Variants in IGF2BP2 observed in about 807,000 individuals in gnomAD.
IGF2BP2 encodes the protein insulin-like growth factor 2 mRNA-binding protein 2.
In IGF2BP2, 17 loss-of-function variants were observed where a neutral mutation model predicts 75.8. The observed-to-expected ratio is 0.22, with a 90% CI of 0.15 to 0.34. The LOEUF (loss-of-function observed/expected upper bound fraction) is 0.34. Ranked by LOEUF, IGF2BP2 falls within the 10% of genes least tolerant of loss-of-function variation. The pLI is 1.00. For synonymous variants in IGF2BP2, 288 were observed against 295.6 expected, an observed-to-expected ratio of 0.97 and a Z score of 0.26; for missense variants, 516 against 772.4, an observed-to-expected ratio of 0.67 and a Z score of 3.93.
chr3:185,823,999 C>A (rs953172310), intron 1 of IGF2BP2, among the ~76,000 whole-genome samples: 3 of 152,156 alleles, frequency 2.0e-5, no homozygotes, highest in African/African-American at 7.2e-5. Flanking sequence ...AAAGGTGCTT[C>A]TGGCCGAGCG....
intron 2 of IGF2BP2, among the ~76,000 whole-genome samples, chr3:185,729,093 A>G (rs1407729982): frequency 6.6e-6 from 1 of 152,108 alleles, no homozygotes; most frequent in Non-Finnish European, 1.5e-5. Flanking sequence ...ACAAAGCAGT[A>G]AAGATTACTG....
intron 2 of IGF2BP2, among the ~76,000 whole-genome samples, chr3:185,726,619 A>G (rs1727366002): frequency 6.6e-6 from 1 of 152,224 alleles, no homozygotes; most frequent in African/African-American, 2.4e-5. Context: ...ACAGTTCTTA[A>G]CATTTGCTGA....
At chr3:185,771,093 A>G (rs576644878) in intron 2 of IGF2BP2, among the ~76,000 whole-genome samples, 4 of 152,222 alleles carry the variant, frequency 2.6e-5, no homozygotes, top group South Asian at 4.1e-4. Context: ...GAACTTAAAA[A>G]GTAAACAAGC....
intron 12 of IGF2BP2, among the ~76,000 whole-genome samples, chr3:185,656,908 G>C (rs1715525437): frequency 6.6e-6 from 1 of 152,166 alleles, no homozygotes; most frequent in African/African-American, 2.4e-5. Context: ...TGGTAGTTCA[G>C]GGCCTGTGAA....
At chr3:185,701,396 G>GAA (rs1723289608) in intron 2 of IGF2BP2, among the ~76,000 whole-genome samples, 1 of 143,464 alleles carries the variant, frequency 7.0e-6, no homozygotes, top group Non-Finnish European at 1.5e-5. Flanking sequence ...AAGAAAGAAA[G>GAA]AAAGAAGAAA....
chr3:185,788,073 T>C (rs1736131933), intron 2 of IGF2BP2, among the ~76,000 whole-genome samples: 2 of 152,338 alleles, frequency 1.3e-5, no homozygotes, highest in East Asian at 3.9e-4. Context: ...TTCATCAAAG[T>C]ACCCTCTGTT....
At chr3:185,821,002 G>A (rs1242273291) in intron 2 of IGF2BP2, 2 of 1,535,076 alleles carry the variant, frequency 1.3e-6, no homozygotes, top group East Asian at 2.4e-5. Context: ...GGTTTCAAAT[G>A]TCACAGTACC....
intron 2 of IGF2BP2, among the ~76,000 whole-genome samples, chr3:185,700,378 A>G (rs1723127009): frequency 6.6e-6 from 1 of 152,166 alleles, no homozygotes; most frequent in African/African-American, 2.4e-5. Flanking sequence ...ATATTAATGT[A>G]TTCGTGCCTT....
intron 2 of IGF2BP2, among the ~76,000 whole-genome samples, chr3:185,820,357 G>T (rs1236960549): frequency 6.6e-6 from 1 of 151,322 alleles, no homozygotes; most frequent in Non-Finnish European, 1.5e-5. Context: ...GCATTTTAAA[G>T]CTTACCAGTT....
At chr3:185,648,644 C>A (rs1455869502) in intron 14 of IGF2BP2, among the ~76,000 whole-genome samples, 2 of 152,168 alleles carry the variant, frequency 1.3e-5, no homozygotes, top group Admixed American at 6.5e-5. Flanking sequence ...GTCATCTCCC[C>A]ACCCAGGTCA....
chr3:185,699,621 T>C (rs560247671), intron 2 of IGF2BP2, among the ~76,000 whole-genome samples: 133 of 152,340 alleles, frequency 8.7e-4, no homozygotes, highest in African/African-American at 3.0e-3. Context: ...TGAATATATA[T>C]TCATATTTTC....
chr3:185,692,658 A>G (rs767024222), intron 5 of IGF2BP2, 41 bp downstream of exon 5: 1 of 1,496,112 alleles, frequency 6.7e-7, no homozygotes, highest in Non-Finnish European at 9.2e-7. Context: ...CAAATATAAA[A>G]ACAAATAAAT....
chr3:185,814,877 T>A (rs1740398123), intron 2 of IGF2BP2, among the ~76,000 whole-genome samples: 1 of 152,172 alleles, frequency 6.6e-6, no homozygotes, highest in South Asian at 2.1e-4. Flanking sequence ...TTTAAAATGT[T>A]CTGTTAATAA....
intron 2 of IGF2BP2, among the ~76,000 whole-genome samples, chr3:185,759,877 C>T (rs1273341864): frequency 6.6e-6 from 1 of 152,174 alleles, no homozygotes; most frequent in Non-Finnish European, 1.5e-5. Flanking sequence ...TGAACTTACA[C>T]AAAAGTAGAC....
chr3:185,809,470 G>A (rs933196484), intron 2 of IGF2BP2, among the ~76,000 whole-genome samples: 9 of 151,958 alleles, frequency 5.9e-5, no homozygotes, highest in African/African-American at 9.7e-5. Context: ...AGATTCACTC[G>A]CAAGTTTTAA....
chr3:185,805,769 T>C (rs1008057417), intron 2 of IGF2BP2, among the ~76,000 whole-genome samples: 246 of 150,498 alleles, frequency 1.6e-3, no homozygotes, highest in African/African-American at 5.7e-3. Flanking sequence ...GTGAAGTAAA[T>C]CTTTTTTTTT....
In IGF2BP2 at chr3:185,744,128, T is replaced by C. The variant is rs145013790; in HGVS notation, c.240-45781A>G. Among the ~76,000 whole-genome samples, 22 of 152,362 alleles carry C rather than the reference T, an allele frequency of 1.4e-4. No individual in the cohort carries two copies. In the East Asian group the frequency reaches 3.9e-3, roughly 27 times the overall value. On this transcript the variant is annotated intron_variant, in intron 2 of 15. Transcript: ENST00000382199. ...CACCTGAGAGACGAGAGATAACTTC[T>C]AATGTTTGATGGAAATTTTAAGGTT...
chr3:185,823,538 G>A (rs1458532924), intron 1 of IGF2BP2, among the ~76,000 whole-genome samples: 2 of 152,264 alleles, frequency 1.3e-5, no homozygotes, highest in East Asian at 3.9e-4. Context: ...CAGGGCTGGC[G>A]CGGCCCCGCT....
At chr3:185,703,659 A>G (rs147360806) in intron 2 of IGF2BP2, among the ~76,000 whole-genome samples, 1 of 152,292 alleles carries the variant, frequency 6.6e-6, no homozygotes, top group East Asian at 1.9e-4. Context: ...CTATTGTCCC[A>G]GTTACTCAGG....
Sources: gnomAD v4.1 joint callset for allele counts (sites outside exome capture counted in the v4.1 genomes callset) on GRCh38, gnomAD v4.1.1 for gene constraint, MANE v1.5 for transcripts, NCBI Gene and HGNC (gene_info 2026-07-23, HGNC 2026-07-21) for gene names.